CAMSAP1: variants seen among roughly 807,000 people sequenced by gnomAD.
The protein encoded by CAMSAP1 is calmodulin-regulated spectrin-associated protein 1.
A neutral mutation model predicts 143.5 loss-of-function variants in CAMSAP1; 58 were observed. The observed-to-expected ratio is 0.40, with a 90% CI of 0.33 to 0.50. The LOEUF (loss-of-function observed/expected upper bound fraction) is 0.50. Among genes scored for constraint, CAMSAP1 ranks in the 20% least tolerant of loss-of-function variants. The pLI is 0.45. For missense variants in CAMSAP1, 1,969 were observed against 2,115.7 expected (o/e 0.93, Z 1.36); for synonymous variants, 945 against 859.3 (o/e 1.10, Z -1.74).
In CAMSAP1 at chr9:135,811,133, G is replaced by A; in HGVS notation, c.*176C>T. 1 of 713,114 alleles carries A rather than the reference G, an allele frequency of 1.4e-6. No homozygotes were observed. Among genetic ancestry groups the A allele is most frequent in the South Asian group, 1.9e-5 (1 of 51,542 alleles). 44.2% of individuals were successfully genotyped at this position (713,114 alleles called of 1,614,324 possible). ...CCTCTGCGTGAGATGAGCGCTGAGA[G>A]AGGGGTTTTCTTCTGCTGTCTAGAA... On this transcript the variant is annotated 3_prime_UTR_variant, in exon 17 of 17. Coordinates refer to ENST00000389532, the MANE Select transcript of CAMSAP1 (RefSeq NM_015447.4). This position sits in a 1 kb window ranked among gnomAD's most constrained non-coding sequence, Gnocchi z 4.9.
In CAMSAP1 at chr9:135,823,139, T is replaced by C. The variant is rs371105586; in HGVS notation, c.1522A>G (p.Ile508Val). 45 of 1,613,436 alleles carry C rather than the reference T, an allele frequency of 2.8e-5. No individual in the cohort carries two copies. Among genetic ancestry groups the C allele is most frequent in the Admixed American group, 5.0e-5 (3 of 59,992 alleles). The change falls in exon 11 of 17, where the codon ATT (isoleucine) becomes GTT (valine). Residue 508 changes from isoleucine to valine, a missense_variant. Ile to Val is a conservative substitution (Grantham distance 29, BLOSUM62 3). Transcript: ENST00000389532. ...SISKDSLASN[I>V]VNLTPQNQPH... Reference sequence around the variant, plus strand: ...TGGTTCTGTGGGGTCAGATTAACAATGTTGGATGCCAAACTGTCTTTGCTG... The same window carrying C: ...TGGTTCTGTGGGGTCAGATTAACAACGTTGGATGCCAAACTGTCTTTGCTG...
rs929590192 is a variant in CAMSAP1 at position 135,810,130 on chromosome 9, T to C, written c.*1179A>G. ...GCTGGCACGCACCTGCTCCTGGGAATGTCCGCGCTCCACAGAAGCATCAAC... is the reference window on the plus strand; with the variant it reads ...GCTGGCACGCACCTGCTCCTGGGAACGTCCGCGCTCCACAGAAGCATCAAC... On this transcript the variant is annotated 3_prime_UTR_variant, in exon 17 of 17. Transcript: ENST00000389532. 1.3e-5 allele frequency: 2 copies of C among 152,558 alleles called. No individual in the cohort carries two copies. The highest frequency in any genetic ancestry group is 4.8e-5 in the African/African-American group (2 of 41,448). 9.5% of individuals were successfully genotyped at this position (152,558 alleles called of 1,614,324 possible).
chr9:135,899,542 C>T (rs1269251360), intron 1 of CAMSAP1, among the ~76,000 whole-genome samples: 1 of 152,126 alleles, frequency 6.6e-6, no homozygotes, highest in Non-Finnish European at 1.5e-5. Context: ...CTCCCCTCCT[C>T]AGAAACCTTC....
At chr9:135,879,954 G>A (rs1341764068) in intron 3 of CAMSAP1, among the ~76,000 whole-genome samples, 3 of 151,870 alleles carry the variant, frequency 2.0e-5, no homozygotes, top group Admixed American at 6.6e-5. Flanking sequence ...CCACTGTGTT[G>A]TAGGCCTATA....
At chr9:135,870,370 T>G (rs767383554) in intron 3 of CAMSAP1, among the ~76,000 whole-genome samples, 5 of 152,194 alleles carry the variant, frequency 3.3e-5, no homozygotes, top group Non-Finnish European at 7.3e-5. Flanking sequence ...ATTGTAAGTT[T>G]CCCAAGGCCA....
At chr9:135,813,759 C>T (rs551295463) in intron 16 of CAMSAP1, among the ~76,000 whole-genome samples, 47 of 152,340 alleles carry the variant, frequency 3.1e-4, no homozygotes, top group Non-Finnish European at 4.0e-4. Flanking sequence ...CTGGTCTGCA[C>T]GCTGACGCTG....
chr9:135,888,511 G>A (rs1248238609), intron 1 of CAMSAP1, among the ~76,000 whole-genome samples: 1 of 152,190 alleles, frequency 6.6e-6, no homozygotes, highest in Non-Finnish European at 1.5e-5. Flanking sequence ...CCACTGCAGT[G>A]CCAGGCACAG....
intron 3 of CAMSAP1, among the ~76,000 whole-genome samples, chr9:135,871,258 G>A (rs971146031): frequency 7.9e-5 from 12 of 152,084 alleles, no homozygotes; most frequent in East Asian, 1.9e-4. Context: ...GCATAATCAC[G>A]GCTCATTGCA....
Position 135,906,515 on chromosome 9 carries a change from C to T in CAMSAP1, c.160+485G>A, listed in dbSNP as rs538622197. Among the ~76,000 whole-genome samples, 3 of 152,358 alleles carry T rather than the reference C, an allele frequency of 2.0e-5. No individual in the cohort carries two copies. The East Asian group carries it at 5.8e-4, about 29-fold the overall frequency. On this transcript the variant is annotated intron_variant, in intron 1 of 16. Transcript: ENST00000389532. ...GATCATTATGATTAAGCACAATGCG[C>T]GGAATACGCAATTTCTAGTTGGGGA...
At chr9:135,873,214 T>G (rs1837624487) in intron 3 of CAMSAP1, among the ~76,000 whole-genome samples, 1 of 152,114 alleles carries the variant, frequency 6.6e-6, no homozygotes, top group African/African-American at 2.4e-5. Flanking sequence ...ATTAAACATC[T>G]GACTTCTAGA....
chr9:135,848,709 A>T (rs1205178869), intron 7 of CAMSAP1, among the ~76,000 whole-genome samples: 1 of 152,218 alleles, frequency 6.6e-6, no homozygotes, highest in Non-Finnish European at 1.5e-5. Context: ...TGGCATGGAC[A>T]TAGAACACTG....
chr9:135,906,347 G>A (rs1262292901), intron 1 of CAMSAP1, among the ~76,000 whole-genome samples: 2 of 152,228 alleles, frequency 1.3e-5, no homozygotes, highest in Non-Finnish European at 2.9e-5. Flanking sequence ...AAAGAAGTCA[G>A]CCACTGACGA....
intron 4 of CAMSAP1, among the ~76,000 whole-genome samples, chr9:135,866,019 C>A (rs1278432317): frequency 6.6e-6 from 1 of 152,182 alleles, no homozygotes. Flanking sequence ...TCAGTAGGCA[C>A]GTAGGGTTCA....
intron 7 of CAMSAP1, among the ~76,000 whole-genome samples, chr9:135,842,074 C>A (rs533153349): frequency 6.6e-6 from 1 of 152,104 alleles, no homozygotes; most frequent in Non-Finnish European, 1.5e-5. Context: ...CATGTTCTAA[C>A]TTAATGCAAG....
intron 5 of CAMSAP1, among the ~76,000 whole-genome samples, chr9:135,856,097 T>C (rs1030717075): frequency 2.6e-5 from 4 of 152,104 alleles, no homozygotes; most frequent in Non-Finnish European, 5.9e-5. Context: ...GCCAAACTAT[T>C]TGTTTTGAAA....
At position 135,815,873 on chromosome 9, in the gene CAMSAP1, A is replaced by T; in HGVS notation, c.4387+17T>A. ...GCCATGCCCACGATGACCTCTAAGG[A>T]GGGCGAACGCCGTCACCTGTGTACT... On this transcript the variant is annotated intron_variant, in intron 15 of 16. Transcript: ENST00000389532. 1 of 1,607,404 alleles carries T rather than the reference A, an allele frequency of 6.2e-7. No homozygotes were observed. Among genetic ancestry groups the T allele is most frequent in the Admixed American group, 1.7e-5 (1 of 60,016 alleles).
chr9:135,870,711 C>T (rs1182018086), intron 3 of CAMSAP1, among the ~76,000 whole-genome samples: 1 of 152,196 alleles, frequency 6.6e-6, no homozygotes, highest in Non-Finnish European at 1.5e-5. Flanking sequence ...AGAAGAATCC[C>T]TTAAACCCAG....
chr9:135,824,048 G>T lies in CAMSAP1; in HGVS notation c.1316-14C>A, dbSNP rs767793686. 1 of 1,564,826 alleles carries T rather than the reference G, an allele frequency of 6.4e-7. No individual in the cohort carries two copies. The highest frequency in any genetic ancestry group is 2.3e-5 in the East Asian group (1 of 42,720). The stretch of plus-strand genomic sequence containing the variant: ...GATGTCGCTGATCTGCAGTACAGAG[G>T]AATTAGATAGTGTTAAGTAACCAAT... On this transcript the variant is annotated splice_polypyrimidine_tract_variant and intron_variant, in intron 9 of 16. Coordinates refer to ENST00000389532, the MANE Select transcript of CAMSAP1 (RefSeq NM_015447.4). This position sits in a 1 kb window ranked among gnomAD's most constrained non-coding sequence, Gnocchi z 4.1.
At chr9:135,856,889 G>A (rs1450119610) in intron 5 of CAMSAP1, among the ~76,000 whole-genome samples, 1 of 152,238 alleles carries the variant, frequency 6.6e-6, no homozygotes, top group African/African-American at 2.4e-5. Flanking sequence ...TCCATGGGAA[G>A]GCTGGCACTG....
Sources: gnomAD v4.1 joint callset for allele counts (sites outside exome capture counted in the v4.1 genomes callset) on GRCh38, gnomAD v4.1.1 for gene constraint, Gnocchi (gnomAD v3.1) non-coding constraint, MANE v1.5 for transcripts, NCBI Gene and HGNC (gene_info 2026-07-23, HGNC 2026-07-21) for gene names.